CCSER1: variants seen among roughly 807,000 people sequenced by gnomAD.
The protein encoded by CCSER1 is coiled-coil serine rich protein 1, also known as serine-rich coiled-coil domain-containing protein 1.
In CCSER1, 41 loss-of-function variants were observed where a neutral mutation model predicts 82.0. The observed-to-expected ratio is 0.50, with a 90% CI of 0.39 to 0.65. The LOEUF (loss-of-function observed/expected upper bound fraction) is 0.65, where lower values mean the gene tolerates loss of function less well. Ranked by LOEUF, CCSER1 falls within the 30% of genes least tolerant of loss-of-function variation. CCSER1 has a pLI of 0.00. For missense variants in CCSER1, 1,119 were observed against 1,064.2 expected (o/e 1.05, Z -0.72); for synonymous variants, 414 against 383.9 (o/e 1.08, Z -0.92).
At chr4:90,547,037 G>A (rs538718942) in intron 5 of CCSER1, among the ~76,000 whole-genome samples, 1 of 151,976 alleles carries the variant, frequency 6.6e-6, no homozygotes, top group East Asian at 1.9e-4. Flanking sequence ...AGATTTGCTG[G>A]AATAATTATT....
intron 8 of CCSER1, among the ~76,000 whole-genome samples, chr4:90,858,916 G>A (rs1764753240): frequency 1.3e-5 from 2 of 151,912 alleles, no homozygotes; most frequent in Non-Finnish European, 1.5e-5. Context: ...CAGATTGGGA[G>A]TAAAAGACAA....
chr4:90,658,884 T>G (rs1195779969), intron 6 of CCSER1, among the ~76,000 whole-genome samples: 2 of 152,200 alleles, frequency 1.3e-5, no homozygotes, highest in Non-Finnish European at 2.9e-5. Context: ...TGTGGTGACA[T>G]CTGTAGTTAT....
intron 10 of CCSER1, among the ~76,000 whole-genome samples, chr4:91,136,627 A>C (rs1728493368): frequency 6.6e-6 from 1 of 152,174 alleles, no homozygotes; most frequent in African/African-American, 2.4e-5. Context: ...CTTATATTTA[A>C]ACTGTGAGAT....
At chr4:90,613,475 A>G (rs1224680426) in intron 5 of CCSER1, among the ~76,000 whole-genome samples, 1 of 152,172 alleles carries the variant, frequency 6.6e-6, no homozygotes, top group Non-Finnish European at 1.5e-5. Context: ...GAATTAATGG[A>G]TAAGCTCCAT....
rs774556963 is a variant in CCSER1 at position 90,309,148 on chromosome 4, C to T, written c.864C>T (p.Gly288=). 6.2e-7 allele frequency: 1 copy of T among 1,613,878 alleles called. No homozygotes were observed. The highest frequency in any genetic ancestry group is 8.5e-7 in the Non-Finnish European group (1 of 1,179,826). The change falls in exon 2 of 11, where the codon GGC becomes GGT. Residue 288 remains glycine, a synonymous_variant. Coordinates refer to ENST00000509176, the MANE Select transcript of CCSER1 (RefSeq NM_001145065.2). ...TGGCATCCCACTGTGACAACTTTGG[C>T]CACAATGATTCTACCTCTCAGATGT... ...GSMASHCDNF[G]HNDSTSQMSL...
chr4:90,513,034 T>G (rs999720848), intron 5 of CCSER1, among the ~76,000 whole-genome samples: 1 of 152,064 alleles, frequency 6.6e-6, no homozygotes, highest in Non-Finnish European at 1.5e-5. Context: ...GGGTAACTGG[T>G]AGAGGAGTGT....
intron 3 of CCSER1, among the ~76,000 whole-genome samples, chr4:90,372,044 C>A (rs778204333): frequency 2.7e-4 from 41 of 152,224 alleles, no homozygotes; most frequent in Non-Finnish European, 5.4e-4. Flanking sequence ...ACTTGTTCAA[C>A]TACTGATCAA....
At chr4:90,372,429 G>A (rs1747597119) in intron 3 of CCSER1, among the ~76,000 whole-genome samples, 2 of 152,138 alleles carry the variant, frequency 1.3e-5, no homozygotes, top group Non-Finnish European at 2.9e-5. Flanking sequence ...TTGGAGCATG[G>A]TGTGAGAGAT....
At chr4:91,094,636 C>T (rs1384397280) in intron 10 of CCSER1, among the ~76,000 whole-genome samples, 1 of 152,148 alleles carries the variant, frequency 6.6e-6, no homozygotes, top group Non-Finnish European at 1.5e-5. Flanking sequence ...GAACCGGATA[C>T]TGCTTTTGTC....
At chr4:90,421,669 A>G (rs1188215261) in intron 4 of CCSER1, among the ~76,000 whole-genome samples, 7 of 152,204 alleles carry the variant, frequency 4.6e-5, no homozygotes, top group Admixed American at 4.6e-4. Context: ...ATATCTATGT[A>G]GTCTTTTGCA....
chr4:90,399,793 TA>T (rs1561166868), intron 3 of CCSER1, among the ~76,000 whole-genome samples: 1 of 151,870 alleles, frequency 6.6e-6, no homozygotes, highest in South Asian at 2.1e-4. Flanking sequence ...TAAATATCAT[TA>T]AAAAAGAAAA....
At chr4:91,465,668 G>C (rs970372042) in intron 10 of CCSER1, among the ~76,000 whole-genome samples, 6 of 152,040 alleles carry the variant, frequency 3.9e-5, no homozygotes, top group African/African-American at 7.2e-5. Flanking sequence ...TGATAAAGGG[G>C]ATATCACCAC....
chr4:91,073,616 A>C (rs769002759), intron 9 of CCSER1, among the ~76,000 whole-genome samples: 45 of 152,140 alleles, frequency 3.0e-4, no homozygotes, highest in Non-Finnish European at 5.6e-4. Flanking sequence ...TTTACACAAC[A>C]AACTGATAGA....
At chr4:90,200,052 G>A (rs1368353943) in intron 1 of CCSER1, among the ~76,000 whole-genome samples, 8 of 125,230 alleles carry the variant, frequency 6.4e-5, no homozygotes, top group Admixed American at 8.1e-5. Flanking sequence ...CCTGACATGC[G>A]TGCACGCAGA....
intron 3 of CCSER1, among the ~76,000 whole-genome samples, chr4:90,363,681 A>G (rs1398809469): frequency 6.6e-6 from 1 of 152,166 alleles, no homozygotes; most frequent in Non-Finnish European, 1.5e-5. Context: ...TGTCAAGTGA[A>G]ACAGAAAACT....
chr4:90,612,407 C>T (rs1390449219), intron 5 of CCSER1, among the ~76,000 whole-genome samples: 1 of 152,064 alleles, frequency 6.6e-6, no homozygotes, highest in Non-Finnish European at 1.5e-5. Context: ...CAGTTTTAGC[C>T]TTTCTCATGA....
Position 90,511,001 on chromosome 4 carries a change from A to T in CCSER1, c.1724+42647A>T, listed in dbSNP as rs76394465. ...GAAAAGATTAGGGAGATGAGGAAAA[A>T]CCAGCAAAGAGACTGGAAGGGAGTT... On this transcript the variant is annotated intron_variant, in intron 5 of 10. Transcript: ENST00000509176. Among the ~76,000 whole-genome samples the T allele has an allele frequency of 7.0e-3, 1,062 of 152,258 alleles. 10 individuals carry two copies. Among genetic ancestry groups the T allele is most frequent in the African/African-American group, 0.023 (964 of 41,538 alleles).
chr4:90,171,249 A>C (rs1731617271), intron 1 of CCSER1, among the ~76,000 whole-genome samples: 1 of 151,796 alleles, frequency 6.6e-6, no homozygotes, highest in Non-Finnish European at 1.5e-5. Context: ...CAAGTGTAAA[A>C]AATTTATACT....
chr4:91,336,997 T>A (rs1305207384), intron 10 of CCSER1, among the ~76,000 whole-genome samples: 2 of 152,112 alleles, frequency 1.3e-5, no homozygotes, highest in African/African-American at 4.8e-5. Context: ...TAGAATAAAC[T>A]AAAATGGAGT....
Sources: allele counts gnomAD v4.1 joint callset (sites outside exome capture counted in the v4.1 genomes callset), GRCh38; gene constraint gnomAD v4.1.1; transcripts MANE v1.5; gene names NCBI Gene and HGNC (gene_info 2026-07-23, HGNC 2026-07-21).